Variants in TACR3 observed in about 807,000 individuals in gnomAD.
The protein encoded by TACR3 is neuromedin-K receptor.
Under a neutral mutation model 35.0 loss-of-function variants are expected in TACR3, and 34 were observed. The ratio of observed to expected loss-of-function variants is 0.97; its 90% CI spans 0.74 to 1.30. TACR3 has a LOEUF of 1.30. TACR3 is among the 50% of genes most tolerant of loss of function. The pLI is 0.00. For missense variants in TACR3, 558 were observed against 591.7 expected (o/e 0.94, Z 0.59); for synonymous variants, 233 against 221.1 (o/e 1.05, Z -0.48).
At chr4:103,631,093 G>C (rs559125601) in intron 3 of TACR3, among the ~76,000 whole-genome samples, 3 of 151,956 alleles carry the variant, frequency 2.0e-5, no homozygotes, top group Non-Finnish European at 1.5e-5. Context: ...AACCAAACAC[G>C]GCATGTTCTC....
chr4:103,629,906 A>G (rs1465123458), intron 3 of TACR3, among the ~76,000 whole-genome samples: 1 of 150,082 alleles, frequency 6.7e-6, no homozygotes, highest in Non-Finnish European at 1.5e-5. Context: ...AAAAAAACAA[A>G]GCTGGAGGCA....
At chr4:103,691,699 C>T (rs1005854504) in intron 1 of TACR3, among the ~76,000 whole-genome samples, 2 of 152,154 alleles carry the variant, frequency 1.3e-5, no homozygotes, top group African/African-American at 2.4e-5. Flanking sequence ...TGTGGGTTTA[C>T]GGGAATGAGG....
chr4:103,640,803 G>A (rs1725339982), intron 3 of TACR3, among the ~76,000 whole-genome samples: 2 of 151,690 alleles, frequency 1.3e-5, no homozygotes, highest in African/African-American at 4.8e-5. Flanking sequence ...TTTATGTGTG[G>A]CCCAAGACAA....
intron 1 of TACR3, among the ~76,000 whole-genome samples, chr4:103,668,507 C>A (rs564253882): frequency 2.0e-5 from 3 of 152,064 alleles, no homozygotes; most frequent in African/African-American, 7.2e-5. Context: ...TGTAAGAATG[C>A]TTACTTTTTA....
chr4:103,684,048 C>T (rs1050782380), intron 1 of TACR3, among the ~76,000 whole-genome samples: 1 of 151,998 alleles, frequency 6.6e-6, no homozygotes, highest in Non-Finnish European at 1.5e-5. Context: ...TATAAACTCT[C>T]AGCACATTCA....
chr4:103,716,500 A>C (rs1723094306), intron 1 of TACR3, among the ~76,000 whole-genome samples: 2 of 152,196 alleles, frequency 1.3e-5, no homozygotes, highest in Admixed American at 1.3e-4. Flanking sequence ...TAATTTTTCC[A>C]GTACAAAATG....
chr4:103,597,994 T>C (rs1435643023), intron 3 of TACR3, among the ~76,000 whole-genome samples: 1 of 152,144 alleles, frequency 6.6e-6, no homozygotes, highest in Non-Finnish European at 1.5e-5. Flanking sequence ...GGTCAAATGG[T>C]ATTTCTAGTT....
At chr4:103,647,911 A>G (rs1048891099) in intron 3 of TACR3, among the ~76,000 whole-genome samples, 1 of 152,018 alleles carries the variant, frequency 6.6e-6, no homozygotes, top group Non-Finnish European at 1.5e-5. Flanking sequence ...ATTAATTCAA[A>G]GTTTAAATAT....
intron 3 of TACR3, among the ~76,000 whole-genome samples, chr4:103,615,160 T>G (rs966471909): frequency 2.0e-5 from 3 of 152,098 alleles, no homozygotes; most frequent in Non-Finnish European, 2.9e-5. Context: ...CCTCCCAAAG[T>G]GCTGGGATTA....
intron 3 of TACR3, among the ~76,000 whole-genome samples, chr4:103,642,733 C>T (rs568868584): frequency 6.6e-6 from 1 of 151,648 alleles, no homozygotes; most frequent in Non-Finnish European, 1.5e-5. Flanking sequence ...GGAATACATT[C>T]CAGTGTTTAA....
chr4:103,683,470 C>CAAAAAAAAAAAAAAAAAAAAAAAAAAAA (rs57761679), intron 1 of TACR3, among the ~76,000 whole-genome samples: 1 of 21,142 alleles, frequency 4.7e-5, no homozygotes. Context: ...AAAGACTGAC[C>CAAAAAAAAAAAAAAAAAAAAAAAAAAAA]AAAAAAAAAA....
At chr4:103,686,678 T>C (rs1355873387) in intron 1 of TACR3, among the ~76,000 whole-genome samples, 1 of 152,090 alleles carries the variant, frequency 6.6e-6, no homozygotes, top group East Asian at 1.9e-4. Flanking sequence ...AATGCAGTCA[T>C]TAGAAATTAT....
chr4:103,615,772 C>T (rs1724643478), intron 3 of TACR3, among the ~76,000 whole-genome samples: 1 of 151,982 alleles, frequency 6.6e-6, no homozygotes. Context: ...ACTCTAATGG[C>T]AATTTAATTC....
intron 3 of TACR3, among the ~76,000 whole-genome samples, chr4:103,650,884 T>A (rs1379600138): frequency 2.6e-4 from 4 of 15,664 alleles, no homozygotes; most frequent in Admixed American, 1.3e-3. Context: ...TATATATATC[T>A]TATATATAAT....
At chr4:103,619,660 A>C (rs115502345) in intron 3 of TACR3, among the ~76,000 whole-genome samples, 63 of 149,336 alleles carry the variant, frequency 4.2e-4, no homozygotes, top group African/African-American at 1.5e-3. Flanking sequence ...TGGGTCCGTT[A>C]CAGATGGCTC....
intron 1 of TACR3, among the ~76,000 whole-genome samples, chr4:103,697,202 G>T (rs1722539357): frequency 6.6e-6 from 1 of 152,144 alleles, no homozygotes; most frequent in Non-Finnish European, 1.5e-5. Context: ...ATCAGTGACA[G>T]ATTTTGAAAG....
chr4:103,648,481 C>T (rs1035643541), intron 3 of TACR3, among the ~76,000 whole-genome samples: 3 of 151,984 alleles, frequency 2.0e-5, no homozygotes, highest in Non-Finnish European at 4.4e-5. Context: ...TACTCTCTAT[C>T]TCCATGAGCT....
chr4:103,628,127 C>G (rs1388335475), intron 3 of TACR3, among the ~76,000 whole-genome samples: 1 of 152,216 alleles, frequency 6.6e-6, no homozygotes, highest in East Asian at 1.9e-4. Flanking sequence ...ACCAGAATCT[C>G]TGGGACACAT....
intron 3 of TACR3, among the ~76,000 whole-genome samples, chr4:103,632,839 A>C (rs1344980637): frequency 6.6e-6 from 1 of 152,098 alleles, no homozygotes; most frequent in East Asian, 1.9e-4. Context: ...AAAATCTAAC[A>C]GTGCCTTGTA....
Sources: allele counts gnomAD v4.1 joint callset (sites outside exome capture counted in the v4.1 genomes callset), GRCh38; gene constraint gnomAD v4.1.1; transcripts MANE v1.5; gene names NCBI Gene and HGNC (gene_info 2026-07-23, HGNC 2026-07-21).